The following PTPRD variants were observed in gnomAD, a reference collection of about 807,000 sequenced individuals.
PTPRD encodes the protein protein tyrosine phosphatase receptor type D, also known as receptor-type tyrosine-protein phosphatase delta.
In PTPRD, 34 loss-of-function variants were observed where a neutral mutation model predicts 214.5. That is an observed-to-expected ratio of 0.16 (90% CI 0.12 to 0.21). The LOEUF (loss-of-function observed/expected upper bound fraction) is 0.21. Among genes scored for constraint, PTPRD ranks in the 10% least tolerant of loss-of-function variants. The pLI is 1.00. For synonymous variants in PTPRD, 1,128 were observed against 845.7 expected (o/e 1.33, Z -5.79); for missense variants, 2,545 against 2,398.7 (o/e 1.06, Z -1.27).
At chr9:9,421,302 C>A (rs1257880392) in intron 8 of PTPRD, among the ~76,000 whole-genome samples, 1 of 149,154 alleles carries the variant, frequency 6.7e-6, no homozygotes, top group South Asian at 2.1e-4. Flanking sequence ...AAAATTATAC[C>A]AGTGTTACAT....
At chr9:9,827,189 A>T (rs1335078251) in intron 5 of PTPRD, among the ~76,000 whole-genome samples, 3 of 152,092 alleles carry the variant, frequency 2.0e-5, no homozygotes, top group South Asian at 4.1e-4. Flanking sequence ...AAAAGAGCCC[A>T]CATTGCCAAG....
intron 3 of PTPRD, among the ~76,000 whole-genome samples, chr9:10,204,736 C>G (rs186216530): frequency 2.6e-5 from 4 of 151,978 alleles, no homozygotes; most frequent in Middle Eastern, 3.4e-3. Flanking sequence ...GAGAATAAAG[C>G]GTATATTCAG....
chr9:8,975,920 G>C (rs1220666964), intron 11 of PTPRD, among the ~76,000 whole-genome samples: 3 of 151,486 alleles, frequency 2.0e-5, no homozygotes, highest in South Asian at 2.1e-4. Flanking sequence ...GATTTTCATT[G>C]GTTGCTTAAT....
In PTPRD at chr9:8,383,823, A is replaced by G. The variant is rs182163083; in HGVS notation, c.4386+5409T>C. Among the ~76,000 whole-genome samples the G allele has an allele frequency of 3.0e-3, 450 of 152,284 alleles. 3 individuals carry two copies. The highest frequency in any genetic ancestry group is 0.01 in the African/African-American group (433 of 41,566). ...AGCTTGCAAGACAAGATAAACATTG[A>G]GTCTCTACTATGGGCAAGGAATGAA... On this transcript the variant is annotated intron_variant, in intron 37 of 45. Transcript: ENST00000381196.
chr9:9,385,134 A>G (rs1569567884), intron 9 of PTPRD, among the ~76,000 whole-genome samples: 1 of 152,142 alleles, frequency 6.6e-6, no homozygotes, highest in Non-Finnish European at 1.5e-5. Context: ...ATCAACAGAA[A>G]AAAAGAATAA....
intron 5 of PTPRD, among the ~76,000 whole-genome samples, chr9:9,882,011 T>C (rs1218060793): frequency 6.6e-6 from 1 of 152,112 alleles, no homozygotes; most frequent in Non-Finnish European, 1.5e-5. Flanking sequence ...ATGGATTGTA[T>C]AGTGTAACAC....
intron 11 of PTPRD, among the ~76,000 whole-genome samples, chr9:8,959,478 T>C (rs1295492550): frequency 2.0e-5 from 3 of 151,328 alleles, no homozygotes; most frequent in Non-Finnish European, 3.0e-5. Flanking sequence ...GGAGAGAGAG[T>C]GAGAGGAGGA....
At chr9:9,290,472 G>A (rs1323048992) in intron 9 of PTPRD, among the ~76,000 whole-genome samples, 1 of 151,232 alleles carries the variant, frequency 6.6e-6, no homozygotes, top group Non-Finnish European at 1.5e-5. Context: ...ATAGTCACTT[G>A]TTGATTTTTG....
chr9:9,104,056 T>C (rs930189029), intron 10 of PTPRD, among the ~76,000 whole-genome samples: 2 of 152,192 alleles, frequency 1.3e-5, no homozygotes, highest in Non-Finnish European at 2.9e-5. Flanking sequence ...TATAAATTGA[T>C]TTTGATAATA....
At chr9:10,006,518 G>A (rs773565371) in intron 4 of PTPRD, among the ~76,000 whole-genome samples, 17 of 151,850 alleles carry the variant, frequency 1.1e-4, no homozygotes, top group Admixed American at 2.6e-4. Flanking sequence ...TCATATTCCC[G>A]TTTTACAGAA....
chr9:8,526,501 C>G, intron 17 of PTPRD, 126 bp downstream of exon 17: 3 of 707,808 alleles, frequency 4.2e-6, no homozygotes, highest in South Asian at 6.9e-5. Flanking sequence ...CCAAACAGTA[C>G]AAAGAAAAAA....
chr9:9,899,365 A>G (rs947046316), intron 5 of PTPRD, among the ~76,000 whole-genome samples: 11 of 152,130 alleles, frequency 7.2e-5, no homozygotes, highest in African/African-American at 2.7e-4. Context: ...TAGCAAAATA[A>G]TAATAATTTA....
chr9:9,513,954 C>T (rs1555505757), intron 8 of PTPRD, among the ~76,000 whole-genome samples: 1 of 152,104 alleles, frequency 6.6e-6, no homozygotes, highest in South Asian at 2.1e-4. Flanking sequence ...GGGAGCCAAG[C>T]TGGTACCAGT....
intron 35 of PTPRD, among the ~76,000 whole-genome samples, chr9:8,434,746 A>G (rs1033330687): frequency 1.3e-5 from 2 of 152,218 alleles, no homozygotes; most frequent in Non-Finnish European, 2.9e-5. Context: ...TGGTTCATAA[A>G]AATTGACATA....
intron 14 of PTPRD, among the ~76,000 whole-genome samples, chr9:8,572,508 T>C (rs1407566802): frequency 6.6e-6 from 1 of 152,070 alleles, no homozygotes; most frequent in Non-Finnish European, 1.5e-5. Context: ...AATTTGTAAG[T>C]ATTATAAAAC....
At chr9:9,064,219 G>T in intron 10 of PTPRD, among the ~76,000 whole-genome samples, 1 of 152,032 alleles carries the variant, frequency 6.6e-6, no homozygotes. Flanking sequence ...TATATTGTTT[G>T]TTATTGCTAT....
intron 2 of PTPRD, among the ~76,000 whole-genome samples, chr9:10,462,899 T>C (rs1316100386): frequency 1.3e-5 from 2 of 150,682 alleles, no homozygotes; most frequent in African/African-American, 2.4e-5. Flanking sequence ...ATTTATGTAA[T>C]ATAGCATTTT....
At chr9:10,515,394 T>C (rs10756050) in intron 2 of PTPRD, among the ~76,000 whole-genome samples, 34,050 of 151,940 alleles carry the variant, frequency 0.22, 4,626 homozygotes, top group East Asian at 0.3. Context: ...CTTGGTCTTT[T>C]ATTACCATAA....
chr9:9,252,379 T>C (rs891462254), intron 9 of PTPRD, among the ~76,000 whole-genome samples: 1 of 152,086 alleles, frequency 6.6e-6, no homozygotes, highest in Non-Finnish European at 1.5e-5. Context: ...TAACACACCT[T>C]ACCCTCGTTT....
Sources: gnomAD v4.1 joint callset for allele counts (sites outside exome capture counted in the v4.1 genomes callset) on GRCh38, gnomAD v4.1.1 for gene constraint, MANE v1.5 for transcripts, NCBI Gene and HGNC (gene_info 2026-07-23, HGNC 2026-07-21) for gene names.